Variants in MAML3 observed in about 807,000 individuals in gnomAD.
MAML3 encodes the protein mastermind-like protein 3.
Under a neutral mutation model 101.9 loss-of-function variants are expected in MAML3, and 27 were observed. That is an observed-to-expected ratio of 0.27 (90% CI 0.20 to 0.37). The LOEUF is 0.37. Ranked by LOEUF, MAML3 falls within the 10% of genes least tolerant of loss-of-function variation. The pLI is 1.00. For synonymous variants in MAML3, 501 were observed against 555.9 expected (o/e 0.90, Z 1.39); for missense variants, 1,316 against 1,444.9 (o/e 0.91, Z 1.45).
chr4:139,936,239 G>A (rs1048543395), intron 1 of MAML3, among the ~76,000 whole-genome samples: 1 of 152,068 alleles, frequency 6.6e-6, no homozygotes, highest in Non-Finnish European at 1.5e-5. Flanking sequence ...GTTTATATGT[G>A]TGTATAAACA....
chr4:140,000,989 T>C (rs1283006838), intron 1 of MAML3, among the ~76,000 whole-genome samples: 5 of 151,914 alleles, frequency 3.3e-5, no homozygotes, highest in African/African-American at 9.7e-5. Context: ...GATCATGTCA[T>C]TGCACTCCAG....
At chr4:139,897,978 TA>T (rs1732644113) in intron 1 of MAML3, among the ~76,000 whole-genome samples, 1 of 152,216 alleles carries the variant, frequency 6.6e-6, no homozygotes, top group South Asian at 2.1e-4. Context: ...ATTTTACACT[TA>T]ACCAACTTCT....
At chr4:140,043,311 A>C (rs141347953) in intron 1 of MAML3, among the ~76,000 whole-genome samples, 11 of 152,276 alleles carry the variant, frequency 7.2e-5, no homozygotes, top group African/African-American at 2.6e-4. Flanking sequence ...GATCCCAAAC[A>C]CAATTCTTTT....
chr4:140,077,932 C>T (rs1280583997), intron 1 of MAML3, among the ~76,000 whole-genome samples: 1 of 151,970 alleles, frequency 6.6e-6, no homozygotes, highest in African/African-American at 2.4e-5. Flanking sequence ...GCAGGAGAAT[C>T]GCTTGAACTC....
At chr4:139,884,927 G>A (rs551286438) in intron 2 of MAML3, among the ~76,000 whole-genome samples, 6 of 152,346 alleles carry the variant, frequency 3.9e-5, no homozygotes, top group Non-Finnish European at 8.8e-5. Flanking sequence ...GTGTGTAAGA[G>A]AGAAGAGAGA....
At chr4:139,938,391 A>G (rs1434221751) in intron 1 of MAML3, among the ~76,000 whole-genome samples, 1 of 152,226 alleles carries the variant, frequency 6.6e-6, no homozygotes, top group Non-Finnish European at 1.5e-5. Flanking sequence ...AAGGTCACAA[A>G]GCCAGTATGA....
At chr4:139,912,688 G>C (rs1443223082) in intron 1 of MAML3, among the ~76,000 whole-genome samples, 2 of 152,374 alleles carry the variant, frequency 1.3e-5, no homozygotes, top group Middle Eastern at 3.4e-3. Flanking sequence ...CAGGGAGAGT[G>C]CCGTTTGACG....
chr4:139,796,006 G>A (rs76241605), intron 2 of MAML3, among the ~76,000 whole-genome samples: 12,227 of 152,256 alleles, frequency 0.08, 667 homozygotes, highest in Middle Eastern at 0.18. Context: ...TGGGTAGCAC[G>A]TGGTAACCTT....
At chr4:139,775,508 G>A (rs1370772824) in intron 2 of MAML3, among the ~76,000 whole-genome samples, 1 of 152,030 alleles carries the variant, frequency 6.6e-6, no homozygotes, top group Non-Finnish European at 1.5e-5. Flanking sequence ...TAATTTAGTT[G>A]CCATTTCAAA....
intron 1 of MAML3, among the ~76,000 whole-genome samples, chr4:140,012,267 G>A (rs889437297): frequency 6.6e-6 from 1 of 152,178 alleles, no homozygotes; most frequent in African/African-American, 2.4e-5. Flanking sequence ...TGGTTTCTAC[G>A]AGGTAGAAAA....
Position 139,890,582 on chromosome 4 carries a change from A to G in MAML3, c.854T>C (p.Ile285Thr), listed in dbSNP as rs1284992861. 1.9e-6 allele frequency: 3 copies of G among 1,614,032 alleles called. No homozygotes were observed. The highest frequency in any genetic ancestry group is 2.2e-5 in the East Asian group (1 of 44,886). The change falls in exon 2 of 5, where the codon ATA becomes ACA. Residue 285 changes from isoleucine to threonine, a missense_variant. By Grantham distance (89) the Ile-to-Thr change is moderately conservative. Coordinates refer to ENST00000509479, the MANE Select transcript of MAML3 (RefSeq NM_018717.5). The surrounding 1 kb of genome is among the most constrained non-coding windows in gnomAD (Gnocchi z 4.1). Reference protein sequence around the residue: ...KQEPLDDPTCIDTSETSLSNQ... With the variant: ...KQEPLDDPTCTDTSETSLSNQ... ...TGAAAGAGATGTTTCTGATGTGTCT[A>G]TGCAAGTAGGGTCATCGAGAGGTTC...
chr4:140,023,433 C>T (rs1406546198), intron 1 of MAML3, among the ~76,000 whole-genome samples: 1 of 152,166 alleles, frequency 6.6e-6, no homozygotes, highest in African/African-American at 2.4e-5. Flanking sequence ...ACCTCAGAAG[C>T]GACTTCCATC....
At chr4:139,747,642 C>T (rs751586058) in intron 2 of MAML3, among the ~76,000 whole-genome samples, 4 of 150,898 alleles carry the variant, frequency 2.7e-5, no homozygotes, top group Non-Finnish European at 5.9e-5. Context: ...TACAGTGAGC[C>T]GAGATAGTGC....
At chr4:139,816,473 T>C (rs1250285294) in intron 2 of MAML3, among the ~76,000 whole-genome samples, 1 of 152,068 alleles carries the variant, frequency 6.6e-6, no homozygotes, top group African/African-American at 2.4e-5. Flanking sequence ...CAGAGTATTG[T>C]TTTCTCTGGG....
intron 1 of MAML3, among the ~76,000 whole-genome samples, chr4:140,131,671 T>A (rs1423178356): frequency 1.3e-5 from 2 of 152,212 alleles, no homozygotes; most frequent in Non-Finnish European, 2.9e-5. Context: ...CCCTCTTCCA[T>A]CTAGCTCTCC....
At chr4:139,781,678 G>C (rs1389595944) in intron 2 of MAML3, among the ~76,000 whole-genome samples, 5 of 152,082 alleles carry the variant, frequency 3.3e-5, no homozygotes, top group African/African-American at 9.7e-5. Flanking sequence ...CTTCACACAG[G>C]GCAGTGAAGT....
intron 2 of MAML3, among the ~76,000 whole-genome samples, chr4:139,813,290 A>T (rs1005791324): frequency 2.0e-5 from 3 of 152,200 alleles, no homozygotes; most frequent in Non-Finnish European, 4.4e-5. Flanking sequence ...CATAAAAGAA[A>T]CTTTCACAGA....
chr4:139,867,292 T>C (rs1323586967), intron 2 of MAML3, among the ~76,000 whole-genome samples: 1 of 152,240 alleles, frequency 6.6e-6, no homozygotes, highest in Non-Finnish European at 1.5e-5. Context: ...TGTATTTTTC[T>C]GGTGATATTG....
chr4:139,806,742 CA>C (rs1254655281), intron 2 of MAML3, among the ~76,000 whole-genome samples: 2 of 152,098 alleles, frequency 1.3e-5, no homozygotes, highest in African/African-American at 4.8e-5. Flanking sequence ...GAAAATTATG[CA>C]GGCATTAAAA....
Sources: gnomAD v4.1 joint callset for allele counts (sites outside exome capture counted in the v4.1 genomes callset) on GRCh38, gnomAD v4.1.1 for gene constraint, Gnocchi (gnomAD v3.1) non-coding constraint, MANE v1.5 for transcripts, NCBI Gene and HGNC (gene_info 2026-07-23, HGNC 2026-07-21) for gene names.